The following COL11A1 variants were observed in gnomAD, a reference collection of about 807,000 sequenced individuals.
COL11A1 encodes collagen alpha-1(XI) chain.
Under a neutral mutation model 265.2 loss-of-function variants are expected in COL11A1, and 74 were observed. The ratio of observed to expected loss-of-function variants is 0.28; its 90% CI spans 0.23 to 0.34. COL11A1 has a LOEUF of 0.34. COL11A1 is among the 10% of genes least tolerant of loss of function. The pLI, the probability that COL11A1 is intolerant of heterozygous loss-of-function variation, is 1.00. For missense variants in COL11A1, 2,165 were observed against 2,263.6 expected, an observed-to-expected ratio of 0.96 and a Z score of 0.88; for synonymous variants, 816 against 727.6, an observed-to-expected ratio of 1.12 and a Z score of -1.96.
Position 102,877,939 on chromosome 1 carries a change from A to G in COL11A1, c.*80T>C, listed in dbSNP as rs1218052705. 3.1e-5 allele frequency: 46 copies of G among 1,476,572 alleles called. No homozygotes were observed. Among genetic ancestry groups the G allele is most frequent in the Admixed American group, 5.0e-5 (3 of 59,556 alleles). The allele number at this position is 1,476,572 out of a possible 1,614,324, so 91.5% of individuals were successfully genotyped here. On this transcript the variant is annotated 3_prime_UTR_variant, in exon 67 of 67. Coordinates refer to ENST00000370096, the MANE Select transcript of COL11A1 (RefSeq NM_001854.4). Reference sequence around the variant, plus strand: ...GTTGTTTTCTATACCATCCTTATTCAAAACTTGCATGTGGCACAAAATGGG... The same window carrying G: ...GTTGTTTTCTATACCATCCTTATTCGAAACTTGCATGTGGCACAAAATGGG...
chr1:102,955,275 G>T (rs1660262992), intron 41 of COL11A1, among the ~76,000 whole-genome samples: 1 of 152,042 alleles, frequency 6.6e-6, no homozygotes, highest in Admixed American at 6.6e-5. Flanking sequence ...AAGAGGAATA[G>T]GAATTATGAT....
intron 4 of COL11A1, among the ~76,000 whole-genome samples, chr1:103,039,763 G>A (rs542741224): frequency 6.6e-6 from 1 of 151,472 alleles, no homozygotes; most frequent in Admixed American, 6.6e-5. Flanking sequence ...TTATTCGTCT[G>A]AAGTTCTGTC....
At chr1:102,914,836 A>AT in intron 50 of COL11A1, 25 bp from the exon 51 acceptor site, 2 of 1,373,046 alleles carry the variant, frequency 1.5e-6, no homozygotes, top group Non-Finnish European at 2.0e-6. Flanking sequence ...AAAAAAAAAA[A>AT]GAAGAAGAAG....
At chr1:103,020,195 A>C (rs1666914404) in intron 9 of COL11A1, among the ~76,000 whole-genome samples, 1 of 151,536 alleles carries the variant, frequency 6.6e-6, no homozygotes, top group Non-Finnish European at 1.5e-5. Context: ...AATAGTTTAC[A>C]GTCCCACCAA....
intron 63 of COL11A1, among the ~76,000 whole-genome samples, chr1:102,884,110 A>G (rs905823385): frequency 2.0e-5 from 3 of 152,178 alleles, no homozygotes; most frequent in Admixed American, 6.6e-5. Flanking sequence ...GTTGGGACTC[A>G]GAAAATGATA....
chr1:102,883,005 AAGAAG>A (rs1450822142), intron 64 of COL11A1, among the ~76,000 whole-genome samples, 189 bp downstream of exon 64: 1 of 152,208 alleles, frequency 6.6e-6, no homozygotes, highest in African/African-American at 2.4e-5. Flanking sequence ...GTAAAAAATA[AAGAAG>A]AGAAGTATTT....
intron 1 of COL11A1, among the ~76,000 whole-genome samples, chr1:103,087,133 A>G (rs1203022568): frequency 6.6e-6 from 1 of 152,254 alleles, no homozygotes; most frequent in Non-Finnish European, 1.5e-5. Context: ...CCATATTCAA[A>G]GCAATTCTTA....
At chr1:103,021,655 G>A in intron 9 of COL11A1, 52 bp downstream of exon 9, 1 of 1,115,162 alleles carries the variant, frequency 9.0e-7, no homozygotes, top group Non-Finnish European at 1.4e-6. Context: ...ACATAATCGT[G>A]GCTCATAAGC....
chr1:103,080,015 G>A (rs1454609300), intron 2 of COL11A1, among the ~76,000 whole-genome samples: 2 of 151,908 alleles, frequency 1.3e-5, no homozygotes, highest in South Asian at 4.1e-4. Context: ...AATCACCAAA[G>A]TACTATTTAT....
intron 45 of COL11A1, 80 bp downstream of exon 45, chr1:102,934,980 T>C: frequency 7.5e-7 from 1 of 1,340,578 alleles, no homozygotes; most frequent in African/African-American, 1.4e-5. Flanking sequence ...CCCACAAAAT[T>C]GACTGGTTAT....
At chr1:102,920,187 G>A in intron 49 of COL11A1, 124 bp downstream of exon 49, 1 of 927,242 alleles carries the variant, frequency 1.1e-6, no homozygotes, top group Non-Finnish European at 1.8e-6. Flanking sequence ...TAGATGACAT[G>A]TGAATCATAT....
At chr1:102,927,182 G>A (rs551302467) in intron 46 of COL11A1, among the ~76,000 whole-genome samples, 2 of 151,706 alleles carry the variant, frequency 1.3e-5, no homozygotes. Flanking sequence ...ATTTACATAG[G>A]CTTTTCTACA....
chr1:102,967,416 A>G (rs994894908), intron 37 of COL11A1, among the ~76,000 whole-genome samples: 11 of 151,422 alleles, frequency 7.3e-5, no homozygotes, highest in Middle Eastern at 3.4e-3. Flanking sequence ...AATTTTTTGT[A>G]GTTTTAGTAG....
At chr1:102,989,459 G>GAA in intron 29 of COL11A1, 59 bp downstream of exon 29, 1 of 1,040,016 alleles carries the variant, frequency 9.6e-7, no homozygotes, top group Non-Finnish European at 1.4e-6. Context: ...ATAAGCAAAG[G>GAA]AAAAAATATA....
At chr1:102,901,620 C>A (rs1481724892) in intron 54 of COL11A1, among the ~76,000 whole-genome samples, 4 of 152,168 alleles carry the variant, frequency 2.6e-5, no homozygotes, top group African/African-American at 9.7e-5. Context: ...TGAGCTCTTG[C>A]TGCACTTTGA....
intron 42 of COL11A1, among the ~76,000 whole-genome samples, chr1:102,941,489 T>C (rs1019533633): frequency 1.3e-5 from 2 of 152,216 alleles, no homozygotes; most frequent in African/African-American, 4.8e-5. Context: ...TAGCTCCTGC[T>C]ACCTGCCCAA....
rs74735641 is a variant in COL11A1 at position 103,068,263 on chromosome 1, T to A, written c.651+6355A>T. On this transcript the variant is annotated intron_variant, in intron 4 of 66. Coordinates refer to ENST00000370096, the MANE Select transcript of COL11A1 (RefSeq NM_001854.4). ...TACTGCATGACTACAGTGGAATCTA[T>A]ACACCTTTAAGGAATGCAAAGTTAT... 7.0e-3 allele frequency among the ~76,000 whole-genome samples: 1,069 copies of A among 151,774 alleles called. 31 individuals are homozygous for A. The East Asian group carries it at 0.083, about 12-fold the overall frequency.
chr1:103,001,914 G>C lies in COL11A1; in HGVS notation c.2142+11C>G. 6.2e-7 allele frequency: 1 copy of C among 1,612,768 alleles called. No homozygotes were observed. The highest frequency in any genetic ancestry group is 8.5e-7 in the Non-Finnish European group (1 of 1,178,862). ...TTCACCAGGCTTTACGAGAACAACA[G>C]AGTAACTTACTTTTTCACCAGGAGG... On this transcript the variant is annotated intron_variant, in intron 24 of 66. Coordinates refer to ENST00000370096, the MANE Select transcript of COL11A1 (RefSeq NM_001854.4).
intron 1 of COL11A1, among the ~76,000 whole-genome samples, chr1:103,092,240 A>T (rs1216766048): frequency 1.3e-5 from 2 of 152,126 alleles, no homozygotes; most frequent in Non-Finnish European, 2.9e-5. Context: ...TTATGTATGA[A>T]TATGGTTCAA....
Sources: gnomAD v4.1 joint callset for allele counts (sites outside exome capture counted in the v4.1 genomes callset) on GRCh38, gnomAD v4.1.1 for gene constraint, MANE v1.5 for transcripts, NCBI Gene and HGNC (gene_info 2026-07-23, HGNC 2026-07-21) for gene names.